The following CREB5 variants were observed in gnomAD, a reference collection of about 807,000 sequenced individuals.
The protein encoded by CREB5 is cyclic AMP-responsive element-binding protein 5.
In CREB5, 19 loss-of-function variants were observed where a neutral mutation model predicts 57.1. The ratio of observed to expected loss-of-function variants is 0.33; its 90% CI spans 0.23 to 0.49. The LOEUF is 0.49. Among genes scored for constraint, CREB5 ranks in the 20% least tolerant of loss-of-function variants. The pLI, the probability that CREB5 is intolerant of heterozygous loss-of-function variation, is 0.99. For missense variants in CREB5, 579 were observed against 671.6 expected, an observed-to-expected ratio of 0.86 and a Z score of 1.52; for synonymous variants, 238 against 238.3, an observed-to-expected ratio of 1.00 and a Z score of 0.01.
intron 1 of CREB5, among the ~76,000 whole-genome samples, chr7:28,465,357 G>A (rs1263152168): frequency 1.3e-5 from 2 of 152,154 alleles, no homozygotes; most frequent in African/African-American, 2.4e-5. Flanking sequence ...CAGTCTCCAG[G>A]GCAAGGGGAC....
intron 5 of CREB5, among the ~76,000 whole-genome samples, chr7:28,590,487 T>G (rs1373520903): frequency 7.9e-6 from 1 of 126,646 alleles, no homozygotes; most frequent in Non-Finnish European, 1.6e-5. Context: ...ATGAGAACAC[T>G]TGGACACAGG....
At chr7:28,702,340 G>A (rs1448399913) in intron 5 of CREB5, among the ~76,000 whole-genome samples, 4 of 152,166 alleles carry the variant, frequency 2.6e-5, no homozygotes, top group Admixed American at 1.3e-4. Context: ...AGTATTACCC[G>A]AAAGCAAAAT....
chr7:28,606,054 G>A (rs978243513), intron 5 of CREB5, among the ~76,000 whole-genome samples: 1 of 152,066 alleles, frequency 6.6e-6, no homozygotes, highest in African/African-American at 2.4e-5. Context: ...TTTAAAAATT[G>A]CAATTAGAAT....
intron 1 of CREB5, among the ~76,000 whole-genome samples, chr7:28,396,676 C>T (rs1466865559): frequency 2.0e-5 from 3 of 152,104 alleles, no homozygotes; most frequent in East Asian, 1.9e-4. Flanking sequence ...GTCTGTTTTA[C>T]TTAGTTTAAT....
chr7:28,490,504 A>G (rs1468224299), intron 2 of CREB5, among the ~76,000 whole-genome samples: 2 of 152,238 alleles, frequency 1.3e-5, no homozygotes, highest in Admixed American at 6.5e-5. Flanking sequence ...GCTGTAAGCC[A>G]TATCTAATAT....
chr7:28,606,021 T>C (rs1797118857), intron 5 of CREB5, among the ~76,000 whole-genome samples: 1 of 152,204 alleles, frequency 6.6e-6, no homozygotes, highest in Non-Finnish European at 1.5e-5. Context: ...CTATATGCAA[T>C]TTTATCTCAA....
chr7:28,824,537 G>C lies in CREB5; in HGVS notation c.*5258G>C, dbSNP rs1239592150. 1 of 152,514 alleles carries C rather than the reference G, an allele frequency of 6.6e-6. No homozygotes were observed. The highest frequency in any genetic ancestry group is 1.5e-5 in the Non-Finnish European group (1 of 68,034). 9.4% of individuals were successfully genotyped at this position (152,514 alleles called of 1,614,324 possible). ...TATTTCACAATTATAATCTAAGGTA[G>C]GATAAGACGACACAGCAGCAATAAA... On this transcript the variant is annotated 3_prime_UTR_variant, in exon 11 of 11. Coordinates refer to ENST00000357727, the MANE Select transcript of CREB5 (RefSeq NM_182898.4).
At chr7:28,465,866 G>T in intron 1 of CREB5, among the ~76,000 whole-genome samples, 1 of 152,154 alleles carries the variant, frequency 6.6e-6, no homozygotes, top group East Asian at 1.9e-4. Flanking sequence ...ATACAGTGTG[G>T]CTTTGAAGTG....
At chr7:28,645,249 G>A (rs1185026991) in intron 5 of CREB5, among the ~76,000 whole-genome samples, 2 of 152,112 alleles carry the variant, frequency 1.3e-5, no homozygotes, top group Non-Finnish European at 2.9e-5. Flanking sequence ...TAATTACTAT[G>A]GTGATAAAAT....
At chr7:28,742,659 G>A (rs1261794636) in intron 7 of CREB5, among the ~76,000 whole-genome samples, 1 of 152,042 alleles carries the variant, frequency 6.6e-6, no homozygotes, top group African/African-American at 2.4e-5. Context: ...TGACATTTTT[G>A]TCCACCTAGA....
intron 7 of CREB5, among the ~76,000 whole-genome samples, chr7:28,741,145 C>T (rs2128756955): frequency 6.6e-6 from 1 of 152,240 alleles, no homozygotes; most frequent in Non-Finnish European, 1.5e-5. Flanking sequence ...CTTCCACAAA[C>T]ACTTCCATTA....
Position 28,312,409 on chromosome 7 carries a change from A to G in CREB5, c.-25+12968A>G, listed in dbSNP as rs1434472640. 2.7e-4 allele frequency among the ~76,000 whole-genome samples: 41 copies of G among 152,126 alleles called. 1 individual carries two copies. The highest frequency in any genetic ancestry group is 2.7e-3 in the Admixed American group (41 of 15,268). On this transcript the variant is annotated intron_variant, in intron 1 of 9. Transcript: ENST00000396299. ...GGGAGGCACAGAGTGGTGGAGCTGC[A>G]AGGAATGCTGGCAGGAGCTGAGGGG...
intron 1 of CREB5, among the ~76,000 whole-genome samples, chr7:28,373,039 G>T (rs998405925): frequency 1.3e-5 from 2 of 152,284 alleles, no homozygotes; most frequent in Non-Finnish European, 1.5e-5. Context: ...AGGAAAGTCA[G>T]TCTGGTTCTC....
intron 1 of CREB5, among the ~76,000 whole-genome samples, chr7:28,473,098 G>A (rs952475120): frequency 1.3e-5 from 2 of 152,174 alleles, no homozygotes; most frequent in Non-Finnish European, 2.9e-5. Context: ...GGGTGTGGGA[G>A]GTTTGCTTAA....
intron 1 of CREB5, among the ~76,000 whole-genome samples, chr7:28,323,787 T>C (rs1785531275): frequency 6.6e-6 from 1 of 152,198 alleles, no homozygotes; most frequent in Admixed American, 6.5e-5. Context: ...TATTACACTG[T>C]AATATATAAT....
chr7:28,775,306 C>T (rs1421488890), intron 7 of CREB5, among the ~76,000 whole-genome samples: 3 of 151,978 alleles, frequency 2.0e-5, no homozygotes, highest in African/African-American at 7.2e-5. Flanking sequence ...CTCTCTGATT[C>T]CCCGCCTCAC....
At chr7:28,514,258 T>C (rs1228729702) in intron 4 of CREB5, among the ~76,000 whole-genome samples, 1 of 152,214 alleles carries the variant, frequency 6.6e-6, no homozygotes, top group Non-Finnish European at 1.5e-5. Context: ...TCAACCAGTG[T>C]TAACAGGCAA....
intron 3 of CREB5, among the ~76,000 whole-genome samples, chr7:28,499,336 C>G (rs1009790972): frequency 3.3e-5 from 5 of 152,116 alleles, no homozygotes; most frequent in African/African-American, 1.2e-4. Flanking sequence ...TTGATACCAG[C>G]AAGTTCAGTC....
At chr7:28,566,117 G>A (rs1478309998) in intron 4 of CREB5, among the ~76,000 whole-genome samples, 1 of 152,106 alleles carries the variant, frequency 6.6e-6, no homozygotes, top group East Asian at 1.9e-4. Context: ...CCTAAAATGT[G>A]GTGGCCAAAT....
Sources: gnomAD v4.1 joint callset for allele counts (sites outside exome capture counted in the v4.1 genomes callset) on GRCh38, gnomAD v4.1.1 for gene constraint, MANE v1.5 for transcripts, NCBI Gene and HGNC (gene_info 2026-07-23, HGNC 2026-07-21) for gene names.